AP2A2: variants seen among roughly 807,000 people sequenced by gnomAD.
AP2A2 encodes AP-2 complex subunit alpha-2.
In AP2A2, 32 loss-of-function variants were observed where a neutral mutation model predicts 104.2. The observed-to-expected ratio is 0.31, with a 90% confidence interval of 0.23 to 0.41. AP2A2 has a LOEUF of 0.41. Ranked by LOEUF, AP2A2 falls within the 10% of genes least tolerant of loss-of-function variation. The pLI, the probability that AP2A2 is intolerant of heterozygous loss-of-function variation, is 1.00. For synonymous variants in AP2A2, 539 were observed against 533.3 expected, an observed-to-expected ratio of 1.01 and a Z score of -0.15; for missense variants, 912 against 1,261.0, an observed-to-expected ratio of 0.72 and a Z score of 4.19.
rs371254309 is a variant in AP2A2 at position 993,328 on chromosome 11, C to T, written c.1497C>T (p.Gly499=). The change falls in exon 12 of 22, where the codon GGC becomes GGT. Residue 499 remains glycine (G), a synonymous_variant. Transcript: ENST00000448903. The surrounding 1 kb of genome is among the most constrained non-coding windows in gnomAD (Gnocchi z 8.2). ...GCCACGAGAACCTGGTCAAAGTGGGCGGCTACATCCTGGGGGAGTTTGGAA... is the reference window on the plus strand; with the variant it reads ...GCCACGAGAACCTGGTCAAAGTGGGTGGCTACATCCTGGGGGAGTTTGGAA... The part of the protein sequence containing the change: ...PACHENLVKV[G]GYILGEFGNL... 95 of 1,612,294 alleles carry T rather than the reference C, an allele frequency of 5.9e-5. 1 individual carries two copies. Among genetic ancestry groups the T allele is most frequent in the Admixed American group, 1.8e-4 (11 of 59,690 alleles).
Position 1,010,947 on chromosome 11 carries a change from G to C in AP2A2, c.*322G>C, listed in dbSNP as rs1856407006. On this transcript the variant is annotated 3_prime_UTR_variant, in exon 22 of 22. Coordinates refer to ENST00000448903, the MANE Select transcript of AP2A2 (RefSeq NM_012305.4). ...GTTGGCGTGAACGTGGCGTTTGTGG[G>C]AGTGTCACTGAGATGGCCCGTGCTG... The C allele has an allele frequency of 2.8e-6, 2 of 723,790 alleles. No individual in the cohort carries two copies. Among genetic ancestry groups the C allele is most frequent in the Admixed American group, 3.6e-5 (2 of 54,926 alleles). The allele number at this position is 723,790 out of a possible 1,614,324, so 44.8% of individuals were successfully genotyped here.
intron 18 of AP2A2, 52 bp from the exon 19 acceptor site, chr11:1,009,048 G>C: frequency 6.9e-7 from 1 of 1,448,034 alleles, no homozygotes; most frequent in Non-Finnish European, 9.6e-7. Flanking sequence ...GGTCCCTGGG[G>C]CTCTCAGAGG....
intron 1 of AP2A2, among the ~76,000 whole-genome samples, chr11:932,021 G>C (rs1269610084): frequency 6.6e-6 from 1 of 151,612 alleles, no homozygotes; most frequent in African/African-American, 2.4e-5. Context: ...GGATGATCTC[G>C]ATCTCCTGAC....
rs369708413 is a variant in AP2A2, at chr11:983,584, T to A, written c.706-1061T>A. ...TTTTTTAGTAGAGATGGGGTTTCAC[T>A]GTGTTAGCCAGGATGGTCTCGATCT... is the stretch of plus-strand genomic sequence containing the variant. On this transcript the variant is annotated intron_variant, in intron 6 of 21. Transcript: ENST00000448903. Among the ~76,000 whole-genome samples, 10 of 151,900 alleles carry A rather than the reference T, an allele frequency of 6.6e-5. No individual in the cohort carries two copies. In the East Asian group the frequency reaches 7.8e-4, roughly 12 times the overall value.
intron 1 of AP2A2, among the ~76,000 whole-genome samples, chr11:936,281 C>A (rs919373974): frequency 7.0e-6 from 1 of 143,394 alleles, no homozygotes; most frequent in African/African-American, 2.6e-5. Flanking sequence ...GGTGTGATCA[C>A]AGCTCACTGC....
chr11:1,003,660 C>A, intron 15 of AP2A2, 62 bp from the exon 16 acceptor site: 1 of 1,163,024 alleles, frequency 8.6e-7, no homozygotes, highest in Non-Finnish European at 1.2e-6. Context: ...TTTTCCAGAA[C>A]AAACCCTTGT....
chr11:969,062 C>T (rs1414768261), intron 2 of AP2A2, among the ~76,000 whole-genome samples: 1 of 152,052 alleles, frequency 6.6e-6, no homozygotes, highest in Non-Finnish European at 1.5e-5. Flanking sequence ...TCTTCCCAGC[C>T]TGCGTTCCTT....
At chr11:970,433 C>G in intron 3 of AP2A2, 122 bp downstream of exon 3, 1 of 1,306,610 alleles carries the variant, frequency 7.7e-7, no homozygotes, top group South Asian at 1.5e-5. Context: ...CCACGTGGGT[C>G]TGCTGCAGAT....
intron 14 of AP2A2, chr11:995,475 G>T (rs1001065085): frequency 2.2e-6 from 1 of 454,938 alleles, no homozygotes; most frequent in African/African-American, 2.0e-5. Context: ...TGTCTCTCCA[G>T]GACGCAGGTC....
At chr11:973,309 T>A (rs1854898046) in intron 4 of AP2A2, among the ~76,000 whole-genome samples, 1 of 152,134 alleles carries the variant, frequency 6.6e-6, no homozygotes, top group Non-Finnish European at 1.5e-5. Flanking sequence ...ACCAGGGTGC[T>A]GCACCCCACA....
chr11:937,693 A>G (rs1269718034), intron 1 of AP2A2, among the ~76,000 whole-genome samples: 1 of 152,140 alleles, frequency 6.6e-6, no homozygotes, highest in Non-Finnish European at 1.5e-5. Context: ...TGAATATCTC[A>G]TGTAATTTAT....
At chr11:974,394 A>C (rs1414520732) in intron 4 of AP2A2, among the ~76,000 whole-genome samples, 1 of 152,206 alleles carries the variant, frequency 6.6e-6, no homozygotes, top group Non-Finnish European at 1.5e-5. Context: ...ACTCAAAGTA[A>C]TATGCTAAGG....
At chr11:943,694 CGG>C (rs1853732283) in intron 1 of AP2A2, among the ~76,000 whole-genome samples, 1 of 148,962 alleles carries the variant, frequency 6.7e-6, no homozygotes, top group African/African-American at 2.5e-5. Context: ...AGAGTCCGAC[CGG>C]AGATGCAGGT....
In AP2A2 at chr11:1,003,702, T is replaced by A; in HGVS notation, c.2124-20T>A. 6.4e-7 allele frequency: 1 copy of A among 1,571,926 alleles called. No homozygotes were observed. Among genetic ancestry groups the A allele is most frequent in the African/African-American group, 1.4e-5 (1 of 73,728 alleles). On this transcript the variant is annotated intron_variant, in intron 15 of 21. Coordinates refer to ENST00000448903, the MANE Select transcript of AP2A2 (RefSeq NM_012305.4). ...TGCAGGTGGCTTTGAGTGACACATA[T>A]ACTGTCCCTTTTCCCCTAGGTTTGT...
At chr11:1,009,305 C>T in intron 19 of AP2A2, 23 bp from the exon 20 acceptor site, 2 of 1,612,792 alleles carry the variant, frequency 1.2e-6, no homozygotes, top group African/African-American at 1.3e-5. Context: ...GCTGAGAACA[C>T]TCGCCTTTGC....
chr11:938,593 G>T (rs186343582), intron 1 of AP2A2, among the ~76,000 whole-genome samples: 9 of 151,664 alleles, frequency 5.9e-5, no homozygotes, highest in Admixed American at 3.3e-4. Context: ...TCCTGCCTCA[G>T]CCTCTCGAGT....
intron 1 of AP2A2, among the ~76,000 whole-genome samples, chr11:956,148 C>T (rs984382842): frequency 2.0e-5 from 3 of 152,106 alleles, no homozygotes; most frequent in Non-Finnish European, 1.5e-5. Flanking sequence ...GAGACCAGCC[C>T]AAATACCGTA....
intron 1 of AP2A2, chr11:940,599 T>C: frequency 3.4e-6 from 1 of 295,378 alleles, no homozygotes; most frequent in South Asian, 3.0e-5. Context: ...CATCTGTTTC[T>C]TTAAGCTGTA....
intron 1 of AP2A2, among the ~76,000 whole-genome samples, chr11:926,641 A>G (rs1356543391): frequency 6.6e-6 from 1 of 152,190 alleles, no homozygotes; most frequent in East Asian, 1.9e-4. Flanking sequence ...TCTTCCCAGG[A>G]AACAGCTTTG....
Sources: gnomAD v4.1 joint callset for allele counts (sites outside exome capture counted in the v4.1 genomes callset) on GRCh38, gnomAD v4.1.1 for gene constraint, Gnocchi (gnomAD v3.1) non-coding constraint, MANE v1.5 for transcripts, NCBI Gene and HGNC (gene_info 2026-07-23, HGNC 2026-07-21) for gene names.